ATP13A2: variants seen among roughly 807,000 people sequenced by gnomAD.
The protein encoded by ATP13A2 is polyamine-transporting ATPase 13A2.
In ATP13A2, 83 loss-of-function variants were observed where a neutral mutation model predicts 138.3. The observed-to-expected ratio is 0.60, with a 90% CI of 0.50 to 0.72. The LOEUF (loss-of-function observed/expected upper bound fraction) is 0.72, where lower values mean the gene tolerates loss of function less well. Ranked by LOEUF, ATP13A2 falls within the 30% of genes least tolerant of loss-of-function variation. The pLI is 0.00. For synonymous variants in ATP13A2, 663 were observed against 699.0 expected (o/e 0.95, Z 0.81); for missense variants, 1,402 against 1,606.4 (o/e 0.87, Z 2.17).
intron 6 of ATP13A2, among the ~76,000 whole-genome samples, 159 bp from the exon 7 acceptor site, chr1:17,002,532 GC>G (rs1055059089): frequency 6.6e-6 from 1 of 152,246 alleles, no homozygotes; most frequent in African/African-American, 2.4e-5. Flanking sequence ...CCAAGGCTTG[GC>G]TTTGCCCTTT....
intron 6 of ATP13A2, among the ~76,000 whole-genome samples, chr1:17,003,085 G>GTCTA (rs2077420761): frequency 6.6e-6 from 1 of 152,170 alleles, no homozygotes; most frequent in African/African-American, 2.4e-5. Context: ...GAGGTGTGTG[G>GTCTA]TCTACGCTGG....
chr1:16,987,389 C>A, intron 25 of ATP13A2, 120 bp from the exon 26 acceptor site: 2 of 945,846 alleles, frequency 2.1e-6, no homozygotes, highest in Middle Eastern at 3.1e-4. Context: ...ATCCCCCAGT[C>A]TAATGGGGGC....
chr1:17,001,926 A>C, intron 8 of ATP13A2, 108 bp downstream of exon 8: 1 of 1,128,516 alleles, frequency 8.9e-7, no homozygotes, highest in Non-Finnish European at 1.3e-6. Flanking sequence ...GGAGAAGGGG[A>C]CAGCTGGTCT....
At position 16,986,316 on chromosome 1, in the gene ATP13A2, G is replaced by A. The variant is rs766073047; in HGVS notation, c.3448C>T (p.Arg1150Trp). Residue 1150 changes from arginine to tryptophan, a missense_variant, in exon 29 of 29, where the codon CGG (arginine) becomes TGG (tryptophan). By Grantham distance (101) the Arg-to-Trp change is moderately radical. Coordinates refer to ENST00000326735, the MANE Select transcript of ATP13A2 (RefSeq NM_022089.4). The surrounding 1 kb of genome is among the most constrained non-coding windows in gnomAD (Gnocchi z 6.9). ...CGCTTCTTGGAGGCCCGCTTGGGCCGGAGGCGGCGCAGGCAGGCGGGGAGG... is the reference window on the plus strand; with the variant it reads ...CGCTTCTTGGAGGCCCGCTTGGGCCAGAGGCGGCGCAGGCAGGCGGGGAGG... Reference protein sequence around the residue: ...QCLPACLRRLRPKRASKKRFK... With the variant: ...QCLPACLRRLWPKRASKKRFK... 6.6e-5 allele frequency: 105 copies of A among 1,589,158 alleles called. No homozygotes were observed. Among genetic ancestry groups the A allele is most frequent in the Non-Finnish European group, 8.4e-5 (98 of 1,169,274 alleles).
rs1557692291 is a variant in ATP13A2 at position 16,996,114 on chromosome 1, C to T, written c.1404G>A (p.Val468=). Residue 468 remains valine (V), a synonymous_variant, in exon 15 of 29, where the codon GTG becomes GTA. Coordinates refer to ENST00000326735, the MANE Select transcript of ATP13A2 (RefSeq NM_022089.4). ...TGGCAGCAGGCAGGGCAGGTGGCAC[C>T]ACCACGGTCACCAGGTCGAGAGCCC... ...VIRALDLVTV[V]VPPALPAAMT... is the part of the protein sequence containing the mutation. 13 of 1,614,106 alleles carry T rather than the reference C, an allele frequency of 8.1e-6. No individual in the cohort carries two copies. The highest frequency in any genetic ancestry group is 1.1e-5 in the Non-Finnish European group (13 of 1,180,042).
intron 20 of ATP13A2, among the ~76,000 whole-genome samples, chr1:16,991,102 AC>A (rs1025530933): frequency 2.6e-5 from 4 of 151,850 alleles, no homozygotes; most frequent in Non-Finnish European, 2.9e-5. Context: ...GGCATCCACC[AC>A]CATACCTGGC....
rs375353579 is a variant in ATP13A2, at chr1:16,995,990, C to T, written c.1528G>A (p.Val510Met). 4 of 1,613,924 alleles carry T rather than the reference C, an allele frequency of 2.5e-6. No homozygotes were observed. Among genetic ancestry groups the T allele is most frequent in the East Asian group, 4.5e-5 (2 of 44,894 alleles). Residue 510 changes from valine to methionine, a missense_variant, in exon 15 of 29, where the codon GTG becomes ATG. Coordinates refer to ENST00000326735, the MANE Select transcript of ATP13A2 (RefSeq NM_022089.4). The surrounding 1 kb of genome is among the most constrained non-coding windows in gnomAD (Gnocchi z 4.1). ...TGCGGCCCCACCTTGTCGAAACACACCAGCTGCAGCTTGCCCCCCAGGTTG... is the reference window on the plus strand; with the variant it reads ...TGCGGCCCCACCTTGTCGAAACACATCAGCTGCAGCTTGCCCCCCAGGTTG... ...RINLGGKLQL[V>M]CFDKTGTLTE...
chr1:16,994,402 T>A (rs1472659470), intron 15 of ATP13A2, among the ~76,000 whole-genome samples: 1 of 151,356 alleles, frequency 6.6e-6, no homozygotes, highest in African/African-American at 2.4e-5. Context: ...CCACCTAATT[T>A]TTGTATTTTT....
In ATP13A2 at chr1:16,989,903, G is replaced by A. The variant is rs1273438993; in HGVS notation, c.2513C>T (p.Pro838Leu). ...CGGCCCTACCTTGGGCAGCAGCTTG[G>A]GGAAGTGCTTCACAATGATACCAAA... Reference protein sequence around the residue: ...PTFGIIVKHFPKLLPKVLVQG... With the variant: ...PTFGIIVKHFLKLLPKVLVQG... Residue 838 changes from proline to leucine, a missense_variant, in exon 22 of 29, where the codon CCC becomes CTC. By Grantham distance (98) the Pro-to-Leu change is moderately conservative. Transcript: ENST00000326735. 7 of 1,602,876 alleles carry A rather than the reference G, an allele frequency of 4.4e-6. No homozygotes were observed. The highest frequency in any genetic ancestry group is 6.0e-6 in the Non-Finnish European group (7 of 1,174,702).
At chr1:16,990,355 C>T in intron 20 of ATP13A2, 68 bp from the exon 21 acceptor site, 2 of 1,587,710 alleles carry the variant, frequency 1.3e-6, no homozygotes, top group South Asian at 2.2e-5. Flanking sequence ...CTGATCCTTA[C>T]AGATGGGAAA....
chr1:17,006,526 C>G (rs1249300818), intron 1 of ATP13A2, among the ~76,000 whole-genome samples: 1 of 152,126 alleles, frequency 6.6e-6, no homozygotes. Flanking sequence ...GCTGGGATTA[C>G]AGGCATGAGC....
intron 12 of ATP13A2, 51 bp downstream of exon 12, chr1:16,996,969 C>A: frequency 6.3e-7 from 1 of 1,587,344 alleles, no homozygotes; most frequent in East Asian, 2.3e-5. Flanking sequence ...CCACCTCTCC[C>A]AAGGGTGCTG....
intron 7 of ATP13A2, 55 bp from the exon 8 acceptor site, chr1:17,002,158 C>T (rs2077383105): frequency 6.3e-7 from 1 of 1,594,798 alleles, no homozygotes; most frequent in Non-Finnish European, 8.5e-7. Context: ...GCTGGACCCT[C>T]CCGGGGTGAA....
chr1:17,008,273 C>A (rs2077640033), intron 1 of ATP13A2, among the ~76,000 whole-genome samples: 1 of 152,208 alleles, frequency 6.6e-6, no homozygotes, highest in South Asian at 2.1e-4. Flanking sequence ...CTCCAAATAG[C>A]TGGGACTACA....
Position 17,005,720 on chromosome 1 carries a change from T to A in ATP13A2, c.69A>T (p.Thr23=). 6.2e-7 allele frequency: 1 copy of A among 1,613,840 alleles called. No homozygotes were observed. Among genetic ancestry groups the A allele is most frequent in the South Asian group, 1.1e-5 (1 of 90,968 alleles). ...CTGAGGAGCTGAGGGGATCTATTGA[T>A]GTCCCTATCGTCAGGGTCCCATAAC... The part of the protein sequence containing the change: ...PTGYGTLTIG[T]SIDPLSSSVS... Residue 23 remains threonine (T), a synonymous_variant, in exon 2 of 29, where the codon ACA becomes ACT. Transcript: ENST00000326735.
Position 17,011,758 on chromosome 1 carries a change from C to A in ATP13A2, c.-20G>T. 1 of 1,445,414 alleles carries A rather than the reference C, an allele frequency of 6.9e-7. No homozygotes were observed. The highest frequency in any genetic ancestry group is 1.3e-5 in the South Asian group (1 of 75,062). 89.5% of individuals were successfully genotyped at this position (1,445,414 alleles called of 1,614,324 possible). A position where few individuals can be genotyped will look rare whatever the true frequency, so the allele number is the denominator to read the frequency against. On this transcript the variant is annotated 5_prime_UTR_variant, in exon 1 of 29. Coordinates refer to ENST00000326735, the MANE Select transcript of ATP13A2 (RefSeq NM_022089.4). This position sits in a 1 kb window ranked among gnomAD's most constrained non-coding sequence, Gnocchi z 7.3. Reference sequence around the variant, plus strand: ...GCTCATGCCGGCTCCTCGCGCTCATCGCCGGCCCCGGCGCTGCGGCCCTCG... The same window carrying A: ...GCTCATGCCGGCTCCTCGCGCTCATAGCCGGCCCCGGCGCTGCGGCCCTCG...
intron 11 of ATP13A2, among the ~76,000 whole-genome samples, chr1:16,998,008 C>T (rs944543002): frequency 1.3e-5 from 2 of 152,208 alleles, no homozygotes; most frequent in Non-Finnish European, 2.9e-5. Context: ...GGCTGCCTAG[C>T]AAACAGTGGC....
rs2077523047 is a variant in ATP13A2, at chr1:17,005,526, T to C, written c.136A>G (p.Arg46Gly). The change falls in exon 3 of 29, where the codon AGG becomes GGG. Residue 46 changes from arginine (R) to glycine (G), a missense_variant. Arg to Gly is a moderately radical substitution (Grantham distance 125, BLOSUM62 -2). Transcript: ENST00000326735. Reference protein sequence around the residue: ...RLSGYCGSPWRVIGYHVVVWM... With the variant: ...RLSGYCGSPWGVIGYHVVVWM... ...ACCACGACGTGATAGCCGATGACCC[T>C]CCATGGACTGCCACAGTAGCCGCTG... 1 of 1,613,950 alleles carries C rather than the reference T, an allele frequency of 6.2e-7. No individual in the cohort carries two copies. The highest frequency in any genetic ancestry group is 8.5e-7 in the Non-Finnish European group (1 of 1,180,030).
chr1:16,996,965 C>T, intron 12 of ATP13A2, 55 bp downstream of exon 12: 2 of 1,582,538 alleles, frequency 1.3e-6, no homozygotes, highest in South Asian at 2.3e-5. Context: ...CACTCCACCT[C>T]TCCCAAGGGT....
Sources: allele counts gnomAD v4.1 joint callset (sites outside exome capture counted in the v4.1 genomes callset), GRCh38; gene constraint gnomAD v4.1.1; non-coding constraint Gnocchi (gnomAD v3.1); transcripts MANE v1.5; gene names NCBI Gene and HGNC (gene_info 2026-07-23, HGNC 2026-07-21).